ZNF565: variants seen among roughly 807,000 people sequenced by gnomAD.
The protein encoded by ZNF565 is zinc finger protein 565.
Under a neutral mutation model 39.4 loss-of-function variants are expected in ZNF565, and 27 were observed. The ratio of observed to expected loss-of-function variants is 0.69; its 90% CI spans 0.51 to 0.95. ZNF565 has a LOEUF of 0.95. Ranked by LOEUF, ZNF565 falls within the 40% of genes least tolerant of loss-of-function variation. The pLI, the probability that ZNF565 is intolerant of heterozygous loss-of-function variation, is 0.00. For missense variants in ZNF565, 524 were observed against 621.1 expected (o/e 0.84, Z 1.66); for synonymous variants, 185 against 216.6 (o/e 0.85, Z 1.28).
upstream of ZNF565, among the ~76,000 whole-genome samples, chr19:36,217,237 A>G (rs1976650124): frequency 6.6e-6 from 1 of 150,554 alleles, no homozygotes; most frequent in Admixed American, 6.6e-5. Context: ...CTTTTTTTGT[A>G]TTTTTAGTAG....
Position 36,231,395 on chromosome 19 carries a change from A to G in ZNF565, c.55+14081T>C, listed in dbSNP as rs1347974046. 2.0e-5 allele frequency among the ~76,000 whole-genome samples: 3 copies of G among 151,914 alleles called. No homozygotes were observed. The East Asian group carries it at 5.8e-4, about 29-fold the overall frequency. On this transcript the variant is annotated intron_variant, in intron 1 of 4. Transcript: ENST00000355114. ...CGGCTAATTTTTGTATTTTTTTGGT[A>G]ACCAGTTTTCACCATGTTGGCCAGG...
At chr19:36,240,021 G>T (rs1384387249) in intron 1 of ZNF565, among the ~76,000 whole-genome samples, 2 of 152,034 alleles carry the variant, frequency 1.3e-5, no homozygotes, top group Non-Finnish European at 2.9e-5. Flanking sequence ...AAATGAATCT[G>T]CCCTTTATAT....
At chr19:36,196,615 A>C (rs1488487404) in intron 2 of ZNF565, among the ~76,000 whole-genome samples, 4 of 152,196 alleles carry the variant, frequency 2.6e-5, no homozygotes, top group Non-Finnish European at 5.9e-5. Context: ...TCCCATAAAT[A>C]AGCGAAATAG....
chr19:36,243,064 G>A (rs918591168), intron 1 of ZNF565, among the ~76,000 whole-genome samples: 3 of 152,064 alleles, frequency 2.0e-5, no homozygotes, highest in Non-Finnish European at 1.5e-5. Flanking sequence ...GCAGAATTTC[G>A]CTCTTGTCCC....
chr19:36,219,281 C>T (rs1312537950), upstream of ZNF565, among the ~76,000 whole-genome samples: 2 of 152,144 alleles, frequency 1.3e-5, no homozygotes, highest in Non-Finnish European at 2.9e-5. Context: ...CTCAGCCCCA[C>T]CCCCGCAGTG....
In ZNF565 at chr19:36,182,364, T is replaced by G; in HGVS notation, c.*102A>C. 1.1e-6 allele frequency: 1 copy of G among 943,446 alleles called. No homozygotes were observed. Among genetic ancestry groups the G allele is most frequent in the Non-Finnish European group, 1.5e-6 (1 of 673,408 alleles). The allele number at this position is 943,446 out of a possible 1,614,324, so 58.4% of individuals were successfully genotyped here. On this transcript the variant is annotated 3_prime_UTR_variant, in exon 5 of 5. Transcript: ENST00000304116. ...GATGTTCTATGATGGAAGTGACAGG[T>G]GTTTTCTGACATTAATTACACTACA...
chr19:36,199,885 T>G (rs1305126419), intron 2 of ZNF565, among the ~76,000 whole-genome samples: 1 of 152,140 alleles, frequency 6.6e-6, no homozygotes, highest in East Asian at 1.9e-4. Context: ...GGTCTTGAAC[T>G]CCTGGTCTCA....
chr19:36,203,013 G>C (rs1976019679), intron 1 of ZNF565, among the ~76,000 whole-genome samples: 1 of 151,970 alleles, frequency 6.6e-6, no homozygotes, highest in Non-Finnish European at 1.5e-5. Context: ...TTTCTCATCT[G>C]AGCCCTCCCT....
rs75321697 is a variant in ZNF565 at position 36,208,537 on chromosome 19, T to C, written c.-66+6085A>G. On this transcript the variant is annotated intron_variant, in intron 1 of 4. Transcript: ENST00000304116. ...CTGACCCAGCAAAACCATGCTGTTT[T>C]AGAGCTCCAACATCAAAACTTTGTA... 3.3e-5 allele frequency among the ~76,000 whole-genome samples: 5 copies of C among 152,266 alleles called. No homozygotes were observed. In the East Asian group the frequency reaches 9.7e-4, roughly 29 times the overall value.
upstream of ZNF565, among the ~76,000 whole-genome samples, chr19:36,219,621 T>TA (rs1046407300): frequency 1.3e-5 from 2 of 152,222 alleles, no homozygotes; most frequent in African/African-American, 4.8e-5. Flanking sequence ...TGGTGATTGT[T>TA]ACTTCCCTTT....
intron 1 of ZNF565, among the ~76,000 whole-genome samples, chr19:36,221,923 C>G (rs909097060): frequency 8.5e-6 from 1 of 118,328 alleles, no homozygotes; most frequent in African/African-American, 3.0e-5. Context: ...TTCCTTTTTT[C>G]TTTCTTTTTT....
upstream of ZNF565, among the ~76,000 whole-genome samples, chr19:36,219,660 A>T (rs1976754441): frequency 6.6e-6 from 1 of 152,184 alleles, no homozygotes. Context: ...ACTTTGGTTC[A>T]TTCTCCATCA....
chr19:36,209,669 G>A (rs1167242557), intron 1 of ZNF565, among the ~76,000 whole-genome samples: 1 of 151,840 alleles, frequency 6.6e-6, no homozygotes, highest in Non-Finnish European at 1.5e-5. Context: ...GGATGTGAGG[G>A]GAACCCAAAA....
chr19:36,183,770 C>A, intron 4 of ZNF565, 37 bp from the exon 5 acceptor site: 1 of 1,554,282 alleles, frequency 6.4e-7, no homozygotes, highest in Non-Finnish European at 8.7e-7. Context: ...AAGCTGTGAT[C>A]CTTCTCTATG....
chr19:36,198,764 A>G (rs1311897896), intron 2 of ZNF565, among the ~76,000 whole-genome samples: 1 of 152,026 alleles, frequency 6.6e-6, no homozygotes, highest in African/African-American at 2.4e-5. Context: ...ACGCCCAGCT[A>G]ATTTTTGTAT....
intron 4 of ZNF565, among the ~76,000 whole-genome samples, chr19:36,191,286 T>C (rs537632040): frequency 1.3e-5 from 2 of 150,862 alleles, no homozygotes; most frequent in South Asian, 4.2e-4. Flanking sequence ...AGTTCAAAGA[T>C]ATGATCGATT....
At chr19:36,233,914 CG>C (rs1977518326) in intron 1 of ZNF565, among the ~76,000 whole-genome samples, 1 of 146,628 alleles carries the variant, frequency 6.8e-6, no homozygotes, top group Non-Finnish European at 1.5e-5. Flanking sequence ...AGACCCTTTA[CG>C]GGTGTCGGAC....
intron 1 of ZNF565, among the ~76,000 whole-genome samples, chr19:36,213,795 G>A (rs1055020786): frequency 2.0e-5 from 3 of 146,618 alleles, no homozygotes; most frequent in Admixed American, 7.0e-5. Context: ...CACCACACCC[G>A]GCCCTACATC....
chr19:36,227,001 T>G (rs1977095525), intron 1 of ZNF565, among the ~76,000 whole-genome samples: 1 of 151,938 alleles, frequency 6.6e-6, no homozygotes, highest in Non-Finnish European at 1.5e-5. Flanking sequence ...GAGAATCACT[T>G]GGACCTGGGA....
Sources: allele counts gnomAD v4.1 joint callset (sites outside exome capture counted in the v4.1 genomes callset), GRCh38; gene constraint gnomAD v4.1.1; transcripts MANE v1.5; gene names NCBI Gene and HGNC (gene_info 2026-07-23, HGNC 2026-07-21).